TBC1D5: variants seen among roughly 807,000 people sequenced by gnomAD.
TBC1D5 encodes TBC1 domain family, member 5.
TBC1D5 carries 75 observed loss-of-function variants against 100.3 expected under a neutral mutation model. That is an observed-to-expected ratio of 0.75 (90% confidence interval 0.62 to 0.91). TBC1D5 has a LOEUF of 0.91. Among genes scored for constraint, TBC1D5 ranks in the 40% least tolerant of loss-of-function variants. TBC1D5 has a pLI of 0.00. For missense variants in TBC1D5, 910 were observed against 942.4 expected, an observed-to-expected ratio of 0.97 and a Z score of 0.45; for synonymous variants, 323 against 325.6, an observed-to-expected ratio of 0.99 and a Z score of 0.09.
chr3:17,591,233 CAAAAA>C (rs60889092), intron 2 of TBC1D5, among the ~76,000 whole-genome samples: 106 of 18,654 alleles, frequency 5.7e-3, no homozygotes, highest in African/African-American at 0.01. Flanking sequence ...AAGGATCTGT[CAAAAA>C]AAAAAAAAAA....
At chr3:17,527,442 A>C (rs1263966420) in intron 2 of TBC1D5, among the ~76,000 whole-genome samples, 1 of 152,184 alleles carries the variant, frequency 6.6e-6, no homozygotes, top group East Asian at 1.9e-4. Flanking sequence ...CAGGCCATGA[A>C]AGGACTTTCA....
At chr3:17,264,932 A>G (rs898058278) in intron 15 of TBC1D5, among the ~76,000 whole-genome samples, 2 of 152,248 alleles carry the variant, frequency 1.3e-5, no homozygotes, top group African/African-American at 4.8e-5. Flanking sequence ...ATAGGTGGAA[A>G]AAGTGATGTT....
chr3:17,518,184 G>A (rs1014242861), intron 2 of TBC1D5, among the ~76,000 whole-genome samples: 16 of 152,070 alleles, frequency 1.1e-4, no homozygotes, highest in African/African-American at 3.1e-4. Context: ...GTGGGTCCCC[G>A]ACAAAACCCC....
At chr3:17,402,813 G>A (rs1303543602) in intron 8 of TBC1D5, among the ~76,000 whole-genome samples, 9 of 152,064 alleles carry the variant, frequency 5.9e-5, no homozygotes, top group Admixed American at 3.9e-4. Flanking sequence ...GTTTTAACAA[G>A]TAACTTGGTT....
At chr3:17,268,764 C>G (rs576520029) in intron 15 of TBC1D5, among the ~76,000 whole-genome samples, 18 of 151,976 alleles carry the variant, frequency 1.2e-4, no homozygotes, top group Non-Finnish European at 2.1e-4. Flanking sequence ...TAAATTTTTC[C>G]CATCCAACTT....
chr3:17,655,290 ACT>A (rs887503997), intron 1 of TBC1D5, among the ~76,000 whole-genome samples: 2 of 114,048 alleles, frequency 1.8e-5, no homozygotes, highest in Non-Finnish European at 3.3e-5. Flanking sequence ...GGAACATCAC[ACT>A]CTGGGGACTG....
intron 18 of TBC1D5, among the ~76,000 whole-genome samples, chr3:17,212,056 ATAATTATCTCTCAAAGGT>A (rs1431486549): frequency 6.6e-6 from 1 of 152,234 alleles, no homozygotes; most frequent in African/African-American, 2.4e-5. Context: ...TGTACCTTAA[ATAATTATCTCTCAAAGGT>A]TAATAGTTTG....
intron 3 of TBC1D5, among the ~76,000 whole-genome samples, chr3:17,435,825 G>T (rs1329258524): frequency 6.6e-6 from 1 of 152,242 alleles, no homozygotes; most frequent in African/African-American, 2.4e-5. Flanking sequence ...TTGGAGAGAT[G>T]TAGAAGGCCG....
At chr3:17,314,205 A>G (rs1469130021) in intron 13 of TBC1D5, among the ~76,000 whole-genome samples, 1 of 152,136 alleles carries the variant, frequency 6.6e-6, no homozygotes, top group Non-Finnish European at 1.5e-5. Flanking sequence ...GCAGGATCCT[A>G]GGGGTTATTT....
rs142824066 is a variant in TBC1D5 at position 17,163,941 on chromosome 3, C to T, written c.2095-2685G>A. On this transcript the variant is annotated intron_variant, in intron 21 of 21. Transcript: ENST00000253692. Reference sequence around the variant, plus strand: ...CCAAGTACCAAAAGGGCAAGTGATGCGTTGGCTGACTAATAATGGATCCAG... The same window carrying T: ...CCAAGTACCAAAAGGGCAAGTGATGTGTTGGCTGACTAATAATGGATCCAG... Among the ~76,000 whole-genome samples the T allele has an allele frequency of 1.5e-3, 232 of 152,286 alleles. 6 individuals are homozygous for T. The South Asian group carries it at 0.027, about 18-fold the overall frequency.
intron 3 of TBC1D5, among the ~76,000 whole-genome samples, chr3:17,484,392 G>T (rs945182902): frequency 1.3e-5 from 2 of 151,778 alleles, no homozygotes; most frequent in Admixed American, 1.3e-4. Flanking sequence ...CCAGGTTTGG[G>T]TAACAATCAT....
chr3:17,696,331 A>G (rs1379454098), intron 1 of TBC1D5, among the ~76,000 whole-genome samples: 9 of 152,202 alleles, frequency 5.9e-5, no homozygotes, highest in Admixed American at 5.9e-4. Context: ...TGAAAAGATC[A>G]ACAAAACTGA....
At chr3:17,714,864 C>G (rs1327803280) in intron 1 of TBC1D5, among the ~76,000 whole-genome samples, 1 of 152,120 alleles carries the variant, frequency 6.6e-6, no homozygotes, top group Non-Finnish European at 1.5e-5. Context: ...TAACCTGACT[C>G]AAGACTTAAT....
chr3:17,175,762 T>G (rs926125685), intron 19 of TBC1D5, among the ~76,000 whole-genome samples: 1 of 152,228 alleles, frequency 6.6e-6, no homozygotes, highest in African/African-American at 2.4e-5. Context: ...ATATATATGT[T>G]GTGCATTTCA....
In TBC1D5 at chr3:17,404,672, C is replaced by T. The variant is rs1485809720; in HGVS notation, c.441+22G>A. ...TTCTTAGCAGCAAAAGAGGTTAAGA[C>T]ATGAACAAAGACGAACTTTACCCCT... On this transcript the variant is annotated intron_variant, in intron 7 of 21. Coordinates refer to ENST00000253692, the Ensembl canonical transcript of TBC1D5. The T allele has an allele frequency of 1.9e-6, 3 of 1,577,744 alleles. No homozygotes were observed. The South Asian group carries it at 3.6e-5, about 19-fold the overall frequency.
chr3:17,482,588 A>G (rs1040654047), intron 3 of TBC1D5, among the ~76,000 whole-genome samples: 1 of 152,240 alleles, frequency 6.6e-6, no homozygotes, highest in Admixed American at 6.5e-5. Context: ...AATTCGTTTG[A>G]GTGTCCAGAA....
At chr3:17,500,168 A>G (rs1350006933) in intron 3 of TBC1D5, among the ~76,000 whole-genome samples, 1 of 149,544 alleles carries the variant, frequency 6.7e-6, no homozygotes, top group Non-Finnish European at 1.5e-5. Flanking sequence ...AAAGTAGCCT[A>G]TCTCCCTTCA....
rs551661613 is a variant in TBC1D5, at chr3:17,207,343, A to G, written c.1752+6864T>C. Among the ~76,000 whole-genome samples, 3 of 152,354 alleles carry G rather than the reference A, an allele frequency of 2.0e-5. No homozygotes were observed. The South Asian group carries it at 6.2e-4, about 32-fold the overall frequency. ...AGTATTGGAAGTCATTTATATTATC[A>G]TGTAAAATAAAGCATAAAATTAAAA... is the stretch of plus-strand genomic sequence containing the variant. On this transcript the variant is annotated intron_variant, in intron 18 of 21. Coordinates refer to ENST00000253692, the Ensembl canonical transcript of TBC1D5.
At chr3:17,469,682 A>C (rs147837669) in intron 3 of TBC1D5, among the ~76,000 whole-genome samples, 1 of 152,356 alleles carries the variant, frequency 6.6e-6, no homozygotes, top group African/African-American at 2.4e-5. Flanking sequence ...GCTTATTTAC[A>C]TGCATATTTA....
Sources: gnomAD v4.1 joint callset for allele counts (sites outside exome capture counted in the v4.1 genomes callset) on GRCh38, gnomAD v4.1.1 for gene constraint, MANE v1.5 for transcripts, NCBI Gene and HGNC (gene_info 2026-07-23, HGNC 2026-07-21) for gene names.